Variants in TMPRSS15 observed in about 807,000 individuals in gnomAD.
TMPRSS15 encodes transmembrane serine protease 15, also known as enteropeptidase.
Under a neutral mutation model 125.3 loss-of-function variants are expected in TMPRSS15, and 128 were observed. The ratio of observed to expected loss-of-function variants is 1.02; its 90% CI spans 0.89 to 1.18. The LOEUF is 1.18. TMPRSS15 is among the 50% of genes most tolerant of loss of function. The pLI is 0.00. For synonymous variants in TMPRSS15, 446 were observed against 423.2 expected, an observed-to-expected ratio of 1.05 and a Z score of -0.66; for missense variants, 1,283 against 1,212.7, an observed-to-expected ratio of 1.06 and a Z score of -0.86.
At chr21:18,447,971 C>A (rs1214293602) in intron 1 of TMPRSS15, among the ~76,000 whole-genome samples, 1 of 152,064 alleles carries the variant, frequency 6.6e-6, no homozygotes, top group Non-Finnish European at 1.5e-5. Flanking sequence ...AAAGGAAATG[C>A]TGGTGAGGAT....
chr21:18,389,257 TTAAG>T (rs1736518489), intron 3 of TMPRSS15, among the ~76,000 whole-genome samples: 2 of 149,080 alleles, frequency 1.3e-5, no homozygotes, highest in Non-Finnish European at 3.0e-5. Flanking sequence ...AAGAAGTAAA[TTAAG>T]GAAGGAAGGA....
In TMPRSS15 at chr21:18,279,032, TC is replaced by T; in HGVS notation, c.2695del (p.Glu899LysfsTer56). ...TDYIQPICLP[E>X]ENQVFPPGRN... ...TCCTGGAGGAAAAACTTGATTTTCT[TC>T]CGGTAAACAAATAGGTTGTATGTAA... On this transcript the variant is annotated frameshift_variant, in exon 23 of 25. Transcript: ENST00000284885. LOFTEE classifies it high-confidence loss of function. The T allele has an allele frequency of 6.3e-7, 1 of 1,599,768 alleles. No homozygotes were observed. The highest frequency in any genetic ancestry group is 8.5e-7 in the Non-Finnish European group (1 of 1,169,660).
intron 18 of TMPRSS15, among the ~76,000 whole-genome samples, chr21:18,306,178 A>G (rs150071286): frequency 1.3e-3 from 195 of 152,248 alleles, no homozygotes; most frequent in African/African-American, 4.6e-3. Context: ...CTGAGTTGTA[A>G]TAAGTCAAGG....
In TMPRSS15 at chr21:18,279,075, A is replaced by T; in HGVS notation, c.2669-16T>A. The T allele has an allele frequency of 7.7e-7, 1 of 1,301,682 alleles. No individual in the cohort carries two copies. Among genetic ancestry groups the T allele is most frequent in the Non-Finnish European group, 1.1e-6 (1 of 900,050 alleles). The allele number at this position is 1,301,682 out of a possible 1,614,324, so 80.6% of individuals were successfully genotyped here. On this transcript the variant is annotated splice_polypyrimidine_tract_variant and intron_variant, in intron 22 of 24. Coordinates refer to ENST00000284885, the MANE Select transcript of TMPRSS15 (RefSeq NM_002772.3). ...TGTATGTAATCTGGAAAAACAAGCA[A>T]ACAGCAAAACGAACAAACGAAGAAA...
At chr21:18,411,666 C>T (rs1350300304) in intron 1 of TMPRSS15, among the ~76,000 whole-genome samples, 2 of 152,132 alleles carry the variant, frequency 1.3e-5, no homozygotes, top group Non-Finnish European at 2.9e-5. Context: ...ATTTACTTTC[C>T]CTTTGCTAAT....
intron 6 of TMPRSS15, among the ~76,000 whole-genome samples, chr21:18,368,933 C>A (rs2075765144): frequency 1.3e-5 from 2 of 151,998 alleles, no homozygotes; most frequent in African/African-American, 4.8e-5. Flanking sequence ...CATTTAATTT[C>A]AGGATGTTTC....
chr21:18,292,301 C>T (rs1205517353), intron 21 of TMPRSS15, among the ~76,000 whole-genome samples: 4 of 152,140 alleles, frequency 2.6e-5, no homozygotes, highest in Non-Finnish European at 2.9e-5. Flanking sequence ...TCTAAGGATG[C>T]CCTACTTTGT....
intron 7 of TMPRSS15, among the ~76,000 whole-genome samples, chr21:18,360,469 T>A (rs1396342563): frequency 6.6e-6 from 1 of 152,086 alleles, no homozygotes; most frequent in Non-Finnish European, 1.5e-5. Context: ...CTATTTTTAA[T>A]TTTTTGAGGA....
rs2076062951 is a variant in TMPRSS15 at position 18,398,500 on chromosome 21, G to A, written c.146-171C>T. Among the ~76,000 whole-genome samples, 2 of 152,222 alleles carry A rather than the reference G, an allele frequency of 1.3e-5. 1 individual carries two copies. Among genetic ancestry groups the A allele is most frequent in the Non-Finnish European group, 2.9e-5 (2 of 67,988 alleles). ...CAAAATCAGCTGCTTTCTTTCACCA[G>A]CTGTCTGATTGTTTTAAAAGATTGG... On this transcript the variant is annotated intron_variant, in intron 1 of 24. Transcript: ENST00000284885.
chr21:18,471,595 G>C (rs1978782041), intron 1 of TMPRSS15, among the ~76,000 whole-genome samples: 1 of 152,050 alleles, frequency 6.6e-6, no homozygotes, highest in Non-Finnish European at 1.5e-5. Context: ...AAGTATGTGG[G>C]ATAGACACGG....
At chr21:18,395,106 G>A (rs1347637225) in intron 3 of TMPRSS15, among the ~76,000 whole-genome samples, 1 of 152,174 alleles carries the variant, frequency 6.6e-6, no homozygotes, top group African/African-American at 2.4e-5. Context: ...AACTAAAGGT[G>A]GAAGCACAGG....
At chr21:18,375,328 C>G (rs902082979) in intron 5 of TMPRSS15, among the ~76,000 whole-genome samples, 2 of 152,072 alleles carry the variant, frequency 1.3e-5, no homozygotes, top group African/African-American at 4.8e-5. Flanking sequence ...AGCTGTTATA[C>G]CCAGCCAGAT....
chr21:18,463,136 A>C (rs1196908366), intron 1 of TMPRSS15, among the ~76,000 whole-genome samples: 1 of 151,462 alleles, frequency 6.6e-6, no homozygotes, highest in East Asian at 1.9e-4. Flanking sequence ...ATTTGGACAA[A>C]GAGTCAAGAC....
upstream of TMPRSS15, among the ~76,000 whole-genome samples, chr21:18,407,751 C>G (rs1231775754): frequency 6.6e-6 from 1 of 151,922 alleles, no homozygotes; most frequent in Non-Finnish European, 1.5e-5. Flanking sequence ...CACTGAATGC[C>G]CATAGGAGAA....
intron 14 of TMPRSS15, 123 bp from the exon 15 acceptor site, chr21:18,329,417 T>A: frequency 2.0e-6 from 2 of 1,006,398 alleles, no homozygotes; most frequent in Non-Finnish European, 2.8e-6. Flanking sequence ...TTCATGAAAA[T>A]CAGTGTTTCA....
At chr21:18,456,312 C>A (rs1287775068) in intron 1 of TMPRSS15, among the ~76,000 whole-genome samples, 1 of 152,048 alleles carries the variant, frequency 6.6e-6, no homozygotes, top group Non-Finnish European at 1.5e-5. Flanking sequence ...GTCAGCGTTT[C>A]ACTGAACAAC....
intron 1 of TMPRSS15, among the ~76,000 whole-genome samples, chr21:18,440,358 G>C: frequency 1.6e-5 from 1 of 62,412 alleles, no homozygotes; most frequent in Admixed American, 2.2e-4. Context: ...GGGCGACAGA[G>C]CGAAACTCCG....
chr21:18,275,716 A>G (rs1312371742), intron 23 of TMPRSS15, among the ~76,000 whole-genome samples: 1 of 152,156 alleles, frequency 6.6e-6, no homozygotes. Flanking sequence ...AGTGCTTTTC[A>G]TTTGGCACCT....
At chr21:18,319,720 C>T (rs897045048) in intron 16 of TMPRSS15, among the ~76,000 whole-genome samples, 2 of 152,194 alleles carry the variant, frequency 1.3e-5, no homozygotes, top group East Asian at 1.9e-4. Context: ...TGAGCCACCG[C>T]GCCCGGCCTT....
Sources: allele counts gnomAD v4.1 joint callset (sites outside exome capture counted in the v4.1 genomes callset), GRCh38; gene constraint gnomAD v4.1.1; transcripts MANE v1.5; gene names NCBI Gene and HGNC (gene_info 2026-07-23, HGNC 2026-07-21).